MACROD2: variants seen among roughly 807,000 people sequenced by gnomAD.
MACROD2 encodes ADP-ribose glycohydrolase MACROD2.
A neutral mutation model predicts 70.4 loss-of-function variants in MACROD2; 36 were observed. The ratio of observed to expected loss-of-function variants is 0.51; its 90% CI spans 0.39 to 0.68. MACROD2 has a LOEUF of 0.68. Ranked by LOEUF, MACROD2 falls within the 30% of genes least tolerant of loss-of-function variation. The pLI is 0.00. For synonymous variants in MACROD2, 172 were observed against 178.8 expected (o/e 0.96, Z 0.30); for missense variants, 496 against 538.4 (o/e 0.92, Z 0.78).
chr20:14,981,784 T>C (rs1236278383), intron 5 of MACROD2, among the ~76,000 whole-genome samples: 2 of 152,140 alleles, frequency 1.3e-5, no homozygotes, highest in African/African-American at 2.4e-5. Context: ...TTTTGTAAAT[T>C]GCCCAATCTC....
chr20:15,921,238 G>A (rs6135601), intron 10 of MACROD2, among the ~76,000 whole-genome samples: 13 of 152,052 alleles, frequency 8.5e-5, no homozygotes, highest in Admixed American at 3.9e-4. Context: ...TGCTCCAGCC[G>A]TACTAAATTA....
intron 3 of MACROD2, among the ~76,000 whole-genome samples, chr20:14,452,246 TAAC>T (rs1184327627): frequency 6.6e-5 from 10 of 152,240 alleles, no homozygotes; most frequent in African/African-American, 1.2e-4. Flanking sequence ...ACATGGCTAA[TAAC>T]AGTCTCATTT....
chr20:15,969,547 A>G (rs1392694478), intron 13 of MACROD2, among the ~76,000 whole-genome samples: 1 of 152,208 alleles, frequency 6.6e-6, no homozygotes, highest in Non-Finnish European at 1.5e-5. Flanking sequence ...ACTGAAATTA[A>G]GAATTCAATG....
At chr20:15,949,642 A>G (rs2065878081) in intron 12 of MACROD2, among the ~76,000 whole-genome samples, 1 of 152,092 alleles carries the variant, frequency 6.6e-6, no homozygotes, top group African/African-American at 2.4e-5. Context: ...AATACCAGAC[A>G]TTCCATTGGT....
At chr20:15,225,380 T>G (rs1216008354) in intron 5 of MACROD2, among the ~76,000 whole-genome samples, 1 of 152,188 alleles carries the variant, frequency 6.6e-6, no homozygotes, top group Non-Finnish European at 1.5e-5. Context: ...TTAAATGTTT[T>G]ATTTAATTTT....
At chr20:15,411,672 A>G (rs1168757241) in intron 6 of MACROD2, among the ~76,000 whole-genome samples, 1 of 152,250 alleles carries the variant, frequency 6.6e-6, no homozygotes, top group Non-Finnish European at 1.5e-5. Context: ...ATATCTATAA[A>G]TTGTGATAAT....
intron 6 of MACROD2, among the ~76,000 whole-genome samples, chr20:15,363,496 C>T (rs2078376919): frequency 6.6e-6 from 1 of 152,200 alleles, no homozygotes; most frequent in South Asian, 2.1e-4. Flanking sequence ...AAGTGACCAA[C>T]TGGGAGGGCT....
rs765923042 is a variant in MACROD2 at position 13,995,847 on chromosome 20, G to T, written c.46+38G>T. The T allele has an allele frequency of 2.0e-4, 301 of 1,530,056 alleles. No individual in the cohort carries two copies. Among genetic ancestry groups the T allele is most frequent in the Non-Finnish European group, 2.6e-4 (293 of 1,130,912 alleles). 94.8% of individuals were successfully genotyped at this position (1,530,056 alleles called of 1,614,324 possible). A position where few individuals can be genotyped will look rare whatever the true frequency, so the allele number is the denominator to read the frequency against. Reference sequence around the variant, plus strand: ...TCGAGTCCTGGGGGTGCGGGCGGTGGGGGTTAGGGTGGGGGCGGGGGTCAG... The same window carrying T: ...TCGAGTCCTGGGGGTGCGGGCGGTGTGGGTTAGGGTGGGGGCGGGGGTCAG... On this transcript the variant is annotated intron_variant, in intron 1 of 17. Coordinates refer to ENST00000684519, the MANE Select transcript of MACROD2 (RefSeq NM_001351661.2). The surrounding 1 kb of genome is among the most constrained non-coding windows in gnomAD (Gnocchi z 4.3).
chr20:15,613,543 T>G lies in MACROD2; in HGVS notation c.645+113696T>G, dbSNP rs376168523. Among the ~76,000 whole-genome samples, 57 of 152,322 alleles carry G rather than the reference T, an allele frequency of 3.7e-4. No individual in the cohort carries two copies. The East Asian group carries it at 9.1e-3, about 24-fold the overall frequency. On this transcript the variant is annotated intron_variant, in intron 8 of 17. Coordinates refer to ENST00000684519, the MANE Select transcript of MACROD2 (RefSeq NM_001351661.2). The stretch of plus-strand genomic sequence containing the variant: ...TGCCCCCTGCATTAGCATGTGGTGT[T>G]TTTTCTTTGTATCAATCACCACATT...
intron 6 of MACROD2, among the ~76,000 whole-genome samples, chr20:15,278,778 A>G (rs777454680): frequency 1.3e-5 from 2 of 152,212 alleles, no homozygotes; most frequent in Non-Finnish European, 2.9e-5. Flanking sequence ...ATAGCAGAAG[A>G]ACACTTTGCA....
chr20:14,035,006 T>C (rs2053290745), intron 2 of MACROD2, among the ~76,000 whole-genome samples: 1 of 152,216 alleles, frequency 6.6e-6, no homozygotes, highest in African/African-American at 2.4e-5. Flanking sequence ...AGCTTATTGC[T>C]TAACCATGAA....
Position 14,124,560 on chromosome 20 carries a change from G to C in MACROD2, c.271+38832G>C, listed in dbSNP as rs187431918. On this transcript the variant is annotated intron_variant, in intron 3 of 17. Transcript: ENST00000684519. ...ATCCTGGAACTGAAATGTCAGATGC[G>C]TGTAGGGTATTATAACCTAACCAAC... 1.2e-4 allele frequency among the ~76,000 whole-genome samples: 19 copies of C among 152,254 alleles called. No individual in the cohort carries two copies. In the South Asian group the frequency reaches 3.9e-3, roughly 32 times the overall value.
At chr20:15,094,300 C>T (rs1372542362) in intron 5 of MACROD2, among the ~76,000 whole-genome samples, 1 of 151,214 alleles carries the variant, frequency 6.6e-6, no homozygotes, top group East Asian at 1.9e-4. Flanking sequence ...GAAAAAAAAT[C>T]TTCACATGCT....
intron 5 of MACROD2, among the ~76,000 whole-genome samples, chr20:14,806,330 C>G (rs1484023794): frequency 6.6e-6 from 1 of 152,072 alleles, no homozygotes; most frequent in Non-Finnish European, 1.5e-5. Context: ...GGGGCGTTGC[C>G]TCACTGAAGA....
At chr20:14,042,180 C>T (rs1162517406) in intron 2 of MACROD2, among the ~76,000 whole-genome samples, 1 of 152,022 alleles carries the variant, frequency 6.6e-6, no homozygotes, top group African/African-American at 2.4e-5. Context: ...AATATGATTG[C>T]CAAGAAGTCA....
chr20:15,270,276 A>G (rs1440831333), intron 6 of MACROD2, among the ~76,000 whole-genome samples: 1 of 152,136 alleles, frequency 6.6e-6, no homozygotes, highest in Non-Finnish European at 1.5e-5. Context: ...CATATGATGG[A>G]ATACTACACA....
At chr20:15,364,779 A>G (rs1046495525) in intron 6 of MACROD2, among the ~76,000 whole-genome samples, 1 of 152,216 alleles carries the variant, frequency 6.6e-6, no homozygotes, top group Non-Finnish European at 1.5e-5. Flanking sequence ...CTCACCAATG[A>G]AGGGAGCCCC....
chr20:15,447,846 T>C (rs944259005), intron 7 of MACROD2, among the ~76,000 whole-genome samples: 3 of 152,092 alleles, frequency 2.0e-5, no homozygotes, highest in Non-Finnish European at 4.4e-5. Flanking sequence ...TGACTCATGG[T>C]AAGAGATAGT....
intron 4 of MACROD2, among the ~76,000 whole-genome samples, chr20:14,610,875 G>A (rs1021032976): frequency 2.6e-5 from 4 of 152,028 alleles, no homozygotes; most frequent in African/African-American, 9.7e-5. Context: ...AGGTATACTC[G>A]ATAATGATGT....
Sources: gnomAD v4.1 joint callset for allele counts (sites outside exome capture counted in the v4.1 genomes callset) on GRCh38, gnomAD v4.1.1 for gene constraint, Gnocchi (gnomAD v3.1) non-coding constraint, MANE v1.5 for transcripts, NCBI Gene and HGNC (gene_info 2026-07-23, HGNC 2026-07-21) for gene names.